Variants in CLCN5 observed in about 807,000 individuals in gnomAD.
CLCN5 encodes the protein H(+)/Cl(-) exchange transporter 5.
CLCN5 carries 17 observed loss-of-function variants against 54.0 expected under a neutral mutation model. The observed-to-expected ratio is 0.31, with a 90% CI of 0.22 to 0.47. CLCN5 has a LOEUF of 0.47. Among genes scored for constraint, CLCN5 ranks in the 20% least tolerant of loss-of-function variants. The pLI is 1.00. For synonymous variants in CLCN5, 222 were observed against 233.0 expected (o/e 0.95, Z 0.43); for missense variants, 448 against 646.7 (o/e 0.69, Z 3.33).
chrX:50,080,824 G>C, intron 8 of CLCN5, 108 bp downstream of exon 8: 1 of 691,003 alleles, frequency 1.4e-6, no homozygotes, highest in Non-Finnish European at 2.3e-6. Flanking sequence ...ATGTTAAACA[G>C]GATCAGATCC....
intron 3 of CLCN5, among the ~76,000 whole-genome samples, chrX:49,965,063 C>T (rs1325120009): frequency 9.0e-6 from 1 of 111,392 alleles, no homozygotes; most frequent in Non-Finnish European, 1.9e-5. Flanking sequence ...TGAAATAAGT[C>T]AGTCAACAGT....
chrX:50,081,665 A>G lies in CLCN5; in HGVS notation c.751A>G (p.Ile251Val). 1 of 1,208,390 alleles carries G rather than the reference A, an allele frequency of 8.3e-7. No homozygotes were observed. Among genetic ancestry groups the G allele is most frequent in the Non-Finnish European group, 1.1e-6 (1 of 892,724 alleles). Residue 251 changes from isoleucine (I) to valine (V), a missense_variant, in exon 9 of 15, where the codon ATT (isoleucine) becomes GTT (valine). Physicochemically the swap from Ile to Val is conservative, Grantham distance 29 (BLOSUM62 3). Coordinates refer to ENST00000376091, the MANE Select transcript of CLCN5 (RefSeq NM_001127898.4). Reference sequence around the variant, plus strand: ...GATAAAAACTATCTTGAGTGGTTTCATTATTAGGGGCTATTTGGGTAAGTG... The same window carrying G: ...GATAAAAACTATCTTGAGTGGTTTCGTTATTAGGGGCTATTTGGGTAAGTG... Reference protein sequence around the residue: ...PEIKTILSGFIIRGYLGKWTL... With the variant: ...PEIKTILSGFVIRGYLGKWTL...
intron 3 of CLCN5, among the ~76,000 whole-genome samples, chrX:49,952,153 C>T (rs1020075096): frequency 9.0e-6 from 1 of 111,389 alleles, no homozygotes; most frequent in South Asian, 3.8e-4. Context: ...ATAATTGTAG[C>T]TCCTACCATG....
chrX:50,004,115 G>C (rs1361880440), intron 3 of CLCN5, among the ~76,000 whole-genome samples: 1 of 111,910 alleles, frequency 8.9e-6, no homozygotes, highest in Non-Finnish European at 1.9e-5. Flanking sequence ...ATATGAGTCA[G>C]ATTGTGAGTT....
At chrX:50,084,652 G>A (rs1933825623) in intron 9 of CLCN5, among the ~76,000 whole-genome samples, 1 of 111,908 alleles carries the variant, frequency 8.9e-6, no homozygotes, top group Non-Finnish European at 1.9e-5. Context: ...CCAAAGTGCT[G>A]GGATTACAGG....
intron 4 of CLCN5, among the ~76,000 whole-genome samples, chrX:50,059,766 A>AT (rs1932821110): frequency 9.1e-6 from 1 of 109,455 alleles, no homozygotes; most frequent in Non-Finnish European, 1.9e-5. Flanking sequence ...TGTACATGGA[A>AT]TAAAAAAAAA....
In CLCN5 at chrX:50,088,802, C is replaced by G; in HGVS notation, c.1662C>G (p.Thr554=). The part of the protein sequence containing the change: ...EQLAYYHQEW[T]VFNSWCSQGA... ...TGGCTTATTACCACCAGGAATGGAC[C>G]GTCTTCAATAGCTGGTGTAGTCAGG... is the stretch of plus-strand genomic sequence containing the variant. The change falls in exon 12 of 15, where the codon ACC becomes ACG. Residue 554 remains threonine (T), a synonymous_variant. Coordinates refer to ENST00000376091, the MANE Select transcript of CLCN5 (RefSeq NM_001127898.4). 4.1e-6 allele frequency: 5 copies of G among 1,211,011 alleles called. No individual in the cohort carries two copies. The highest frequency in any genetic ancestry group is 5.6e-6 in the Non-Finnish European group (5 of 894,974).
At chrX:50,015,570 GCTCTCTCTGTCCGTCTCTCCATCTCT>G (rs1930746994) in intron 3 of CLCN5, among the ~76,000 whole-genome samples, 1 of 108,551 alleles carries the variant, frequency 9.2e-6, no homozygotes, top group Non-Finnish European at 1.9e-5. Flanking sequence ...TCAGTCTATC[GCTCTCTCTGTCCGTCTCTCCATCTCT>G]CTCTCTCTCT....
intron 4 of CLCN5, among the ~76,000 whole-genome samples, chrX:50,068,337 A>G (rs1378330256): frequency 9.0e-6 from 1 of 110,630 alleles, no homozygotes; most frequent in East Asian, 2.9e-4. Context: ...TTTCATCTTT[A>G]TCAGTATGAC....
At chrX:50,049,710 A>AT (rs1205860469) in intron 4 of CLCN5, among the ~76,000 whole-genome samples, 7 of 111,593 alleles carry the variant, frequency 6.3e-5, no homozygotes, top group African/African-American at 2.3e-4. Flanking sequence ...CTCCTAAATG[A>AT]TTTTTTTAAT....
rs782442896 is a variant in CLCN5 at position 50,090,343 on chromosome X, C to A, written c.1972C>A (p.Pro658Thr). The A allele has an allele frequency of 5.8e-6, 7 of 1,211,183 alleles. No individual in the cohort carries two copies. The highest frequency in any genetic ancestry group is 7.8e-6 in the Non-Finnish European group (7 of 895,225). Residue 658 changes from proline to threonine, a missense_variant, in exon 13 of 15, where the codon CCC becomes ACC. Coordinates refer to ENST00000376091, the MANE Select transcript of CLCN5 (RefSeq NM_001127898.4). ...HKTLAMDVMK[P>T]RRNDPLLTVL... ...GACCCTGGCAATGGATGTGATGAAA[C>A]CCCGGAGAAATGATCCTTTGTTGAC...
intron 4 of CLCN5, among the ~76,000 whole-genome samples, chrX:50,057,887 A>G (rs1557189274): frequency 9.0e-6 from 1 of 110,862 alleles, no homozygotes; most frequent in African/African-American, 3.3e-5. Flanking sequence ...GGGATGTGAA[A>G]GAGTTTATGT....
intron 3 of CLCN5, among the ~76,000 whole-genome samples, chrX:49,935,507 G>T (rs1401953214): frequency 1.8e-5 from 2 of 112,205 alleles, no homozygotes; most frequent in African/African-American, 6.5e-5. Context: ...TCATGGGGGA[G>T]TTGGAGTGCA....
Position 49,990,064 on chromosome X carries a change from T to C in CLCN5, c.17-52252T>C, listed in dbSNP as rs559850753. On this transcript the variant is annotated intron_variant, in intron 3 of 14. Coordinates refer to ENST00000376091, the MANE Select transcript of CLCN5 (RefSeq NM_001127898.4). ...GTGAGTTTATTCCAAATTCCTGGAA[T>C]AAGCATTTGTATGGCAAGGTGGGTA... is the stretch of plus-strand genomic sequence containing the variant. Among the ~76,000 whole-genome samples the C allele has an allele frequency of 5.0e-4, 56 of 112,365 alleles. 1 individual carries two copies. In the South Asian group the frequency reaches 0.021, roughly 41 times the overall value.
chrX:49,923,538 T>C (rs1250640551), intron 2 of CLCN5, 56 bp downstream of exon 2: 20 of 112,477 alleles, frequency 1.8e-4, no homozygotes, highest in Non-Finnish European at 3.8e-5. Context: ...GAATCAACTT[T>C]ACATAAACTT....
intron 4 of CLCN5, among the ~76,000 whole-genome samples, chrX:50,059,876 T>C (rs1293224117): frequency 1.8e-5 from 2 of 108,108 alleles, no homozygotes; most frequent in African/African-American, 3.4e-5. Context: ...ATAGGAACTA[T>C]ATATTTTTAT....
At chrX:50,052,786 A>G (rs1443435804) in intron 4 of CLCN5, among the ~76,000 whole-genome samples, 4 of 111,892 alleles carry the variant, frequency 3.6e-5, no homozygotes, top group African/African-American at 1.3e-4. Flanking sequence ...AAGGTATTGT[A>G]TGCCTGAAAA....
rs1198238376 is a variant in CLCN5, at chrX:49,943,818, GT to G, written c.16+18507del. ...TTGGTTACTGTAGCCTTGTAGTATA[GT>G]TTGAAGTCAGGTAGCGTGATGTCTC... On this transcript the variant is annotated intron_variant, in intron 3 of 14. Coordinates refer to ENST00000376091, the MANE Select transcript of CLCN5 (RefSeq NM_001127898.4). Among the ~76,000 whole-genome samples, 3 of 111,505 alleles carry G rather than the reference GT, an allele frequency of 2.7e-5. No individual in the cohort carries two copies. In the Admixed American group the frequency reaches 2.9e-4, roughly 11 times the overall value.
chrX:50,052,264 A>G (rs1489556736), intron 4 of CLCN5, among the ~76,000 whole-genome samples: 1 of 111,722 alleles, frequency 9.0e-6, no homozygotes, highest in Non-Finnish European at 1.9e-5. Context: ...ATTATGTCAA[A>G]TGCTTTTTTG....
Sources: gnomAD v4.1 joint callset for allele counts (sites outside exome capture counted in the v4.1 genomes callset) on GRCh38, gnomAD v4.1.1 for gene constraint, MANE v1.5 for transcripts, NCBI Gene and HGNC (gene_info 2026-07-23, HGNC 2026-07-21) for gene names.